KIAA0825: variants seen among roughly 807,000 people sequenced by gnomAD.
KIAA0825 encodes KIAA0825.
KIAA0825 carries 119 observed loss-of-function variants against 147.6 expected under a neutral mutation model. That is an observed-to-expected ratio of 0.81 (90% CI 0.69 to 0.94). The LOEUF (loss-of-function observed/expected upper bound fraction) is 0.94, where lower values mean the gene tolerates loss of function less well. Ranked by LOEUF, KIAA0825 falls within the 40% of genes least tolerant of loss-of-function variation. KIAA0825 has a pLI of 0.00. For missense variants in KIAA0825, 1,381 were observed against 1,472.7 expected (o/e 0.94, Z 1.02); for synonymous variants, 470 against 518.1 (o/e 0.91, Z 1.26).
At chr5:94,503,075 T>A (rs201990778) in intron 5 of KIAA0825, among the ~76,000 whole-genome samples, 4,054 of 143,318 alleles carry the variant, frequency 0.028, 75 homozygotes, top group African/African-American at 0.051. Context: ...CAAAAAAAAA[T>A]ATATATATAT....
At chr5:94,607,206 T>G (rs1787648848) in intron 1 of KIAA0825, among the ~76,000 whole-genome samples, 1 of 152,144 alleles carries the variant, frequency 6.6e-6, no homozygotes, top group Non-Finnish European at 1.5e-5. Flanking sequence ...TACAAACTTC[T>G]GAAGGAATCC....
At chr5:94,233,623 G>A (rs1774862934) in intron 20 of KIAA0825, among the ~76,000 whole-genome samples, 1 of 152,170 alleles carries the variant, frequency 6.6e-6, no homozygotes, top group Non-Finnish European at 1.5e-5. Flanking sequence ...AATACTGAAT[G>A]AATTGTGGGA....
chr5:94,391,403 A>G, intron 18 of KIAA0825, 132 bp downstream of exon 18: 1 of 802,090 alleles, frequency 1.2e-6, no homozygotes, highest in South Asian at 1.7e-5. Context: ...AGATTCTATT[A>G]ATAATGCAAT....
At chr5:94,307,203 G>C (rs1778798200) in intron 20 of KIAA0825, among the ~76,000 whole-genome samples, 1 of 151,590 alleles carries the variant, frequency 6.6e-6, no homozygotes, top group African/African-American at 2.4e-5. Flanking sequence ...GGGAGGTTGT[G>C]GATTTTGAAA....
chr5:94,521,337 A>T (rs573170893), intron 4 of KIAA0825, among the ~76,000 whole-genome samples: 69 of 151,930 alleles, frequency 4.5e-4, no homozygotes, highest in East Asian at 4.2e-3. Context: ...TTCATGCTTG[A>T]ATGAGTACAC....
chr5:94,565,833 T>C (rs1473374897), intron 2 of KIAA0825, among the ~76,000 whole-genome samples: 2 of 152,206 alleles, frequency 1.3e-5, no homozygotes, highest in Non-Finnish European at 2.9e-5. Flanking sequence ...TGTGGAAAGA[T>C]TGAATCAAGC....
intron 2 of KIAA0825, among the ~76,000 whole-genome samples, chr5:94,556,457 A>C (rs1776563738): frequency 6.6e-6 from 1 of 152,222 alleles, no homozygotes; most frequent in Non-Finnish European, 1.5e-5. Flanking sequence ...ACTTTGTATC[A>C]AAATGCTTTC....
chr5:94,564,966 TCTTTTTCTTC>T lies in KIAA0825; in HGVS notation c.-2+17457_-2+17466del, dbSNP rs1230063636. 6.3e-3 allele frequency among the ~76,000 whole-genome samples: 937 copies of T among 148,740 alleles called. 15 individuals are homozygous for T. Among genetic ancestry groups the T allele is most frequent in the African/African-American group, 0.022 (894 of 39,934 alleles). ...CCCTCCCTTTTCTTTTCTTTTCTTT[TCTTTTTCTTC>T]TCTTCTCTTCTCTTCTCCTCTCTCT... On this transcript the variant is annotated intron_variant, in intron 2 of 20. Coordinates refer to ENST00000682413, the MANE Select transcript of KIAA0825 (RefSeq NM_001145678.3).
rs139491596 is a variant in KIAA0825 at position 94,308,878 on chromosome 5, C to A, written c.3710+75490G>T. 2.2e-3 allele frequency among the ~76,000 whole-genome samples: 329 copies of A among 151,832 alleles called. 1 individual carries two copies. Among genetic ancestry groups the A allele is most frequent in the Non-Finnish European group, 3.8e-3 (258 of 67,804 alleles). On this transcript the variant is annotated intron_variant, in intron 20 of 20. Coordinates refer to ENST00000682413, the MANE Select transcript of KIAA0825 (RefSeq NM_001145678.3). ...GAGAACTCTTTGCCATAGATCATTC[C>A]ATTGAAATTGGATTTAAAGGTAACA...
chr5:94,254,279 A>T (rs932372065), intron 20 of KIAA0825, among the ~76,000 whole-genome samples: 4 of 152,200 alleles, frequency 2.6e-5, no homozygotes, highest in African/African-American at 4.8e-5. Context: ...CATTATTATC[A>T]ACATAGTATC....
Position 94,523,931 on chromosome 5 carries a change from A to C in KIAA0825, c.299T>G (p.Leu100Arg). Residue 100 changes from leucine (L) to arginine (R), a missense_variant and splice_region_variant, in exon 4 of 21, where the codon CTG becomes CGG. By Grantham distance (102) the Leu-to-Arg change is moderately radical (BLOSUM62 -2). Coordinates refer to ENST00000682413, the MANE Select transcript of KIAA0825 (RefSeq NM_001145678.3). ...HGDLIKFFKT[L>R]QDLLKNEQNQ... ...TGATAAAATAAAAATTCATTTTACC[A>C]GTGTTTTGAAAAATTTTATCAAGTC... 1 of 1,584,502 alleles carries C rather than the reference A, an allele frequency of 6.3e-7. No homozygotes were observed. Among genetic ancestry groups the C allele is most frequent in the Non-Finnish European group, 8.6e-7 (1 of 1,159,696 alleles).
chr5:94,214,379 A>T (rs781719191), intron 20 of KIAA0825, among the ~76,000 whole-genome samples: 11 of 152,234 alleles, frequency 7.2e-5, no homozygotes, highest in Non-Finnish European at 1.5e-4. Flanking sequence ...ACCCCTTTTA[A>T]ATAGACTTAT....
chr5:94,224,262 A>G (rs1449727312), intron 20 of KIAA0825, among the ~76,000 whole-genome samples: 4 of 150,396 alleles, frequency 2.7e-5, no homozygotes, highest in African/African-American at 7.3e-5. Flanking sequence ...ATGCCCAGCT[A>G]ATTTTTATAT....
intron 13 of KIAA0825, among the ~76,000 whole-genome samples, chr5:94,444,048 T>C (rs1052739917): frequency 6.6e-6 from 1 of 152,160 alleles, no homozygotes; most frequent in Admixed American, 6.6e-5. Flanking sequence ...CATTATATGG[T>C]ACTGTGGCCC....
rs771464911 is a variant in KIAA0825, at chr5:94,524,104, A to C, written c.132-6T>G. The C allele has an allele frequency of 6.3e-7, 1 of 1,587,600 alleles. No homozygotes were observed. The highest frequency in any genetic ancestry group is 1.1e-5 in the South Asian group (1 of 87,054). The stretch of plus-strand genomic sequence containing the variant: ...CTTTAATGCAATGTTTTATGCTATA[A>C]AAAACAGAAGAAAAAGTTATTTTGG... On this transcript the variant is annotated splice_polypyrimidine_tract_variant and splice_region_variant and intron_variant, in intron 3 of 20. Coordinates refer to ENST00000682413, the MANE Select transcript of KIAA0825 (RefSeq NM_001145678.3).
chr5:94,561,914 T>C (rs1025814532), intron 2 of KIAA0825, among the ~76,000 whole-genome samples: 1 of 152,182 alleles, frequency 6.6e-6, no homozygotes, highest in African/African-American at 2.4e-5. Context: ...TATATATAAC[T>C]ATAATAACGT....
At chr5:94,493,085 TG>T (rs1763919607) in intron 5 of KIAA0825, among the ~76,000 whole-genome samples, 1 of 152,216 alleles carries the variant, frequency 6.6e-6, no homozygotes, top group South Asian at 2.1e-4. Flanking sequence ...AGAGTTCTCC[TG>T]ATCATCTGGC....
At chr5:94,604,697 C>T (rs1404305372) in intron 1 of KIAA0825, among the ~76,000 whole-genome samples, 1 of 151,948 alleles carries the variant, frequency 6.6e-6, no homozygotes, top group Non-Finnish European at 1.5e-5. Flanking sequence ...TTTTTTGAAA[C>T]TAAGAACAAA....
At chr5:94,337,643 T>C (rs1562391180) in intron 20 of KIAA0825, among the ~76,000 whole-genome samples, 2 of 152,184 alleles carry the variant, frequency 1.3e-5, no homozygotes, top group Non-Finnish European at 2.9e-5. Flanking sequence ...GGTTGGTGTA[T>C]CTGAGGAATA....
Sources: gnomAD v4.1 joint callset for allele counts (sites outside exome capture counted in the v4.1 genomes callset) on GRCh38, gnomAD v4.1.1 for gene constraint, MANE v1.5 for transcripts, NCBI Gene and HGNC (gene_info 2026-07-23, HGNC 2026-07-21) for gene names.